TBC1D12: variants seen among roughly 807,000 people sequenced by gnomAD.
TBC1D12 encodes the protein TBC1 domain family, member 12.
A neutral mutation model predicts 86.7 loss-of-function variants in TBC1D12; 56 were observed. The observed-to-expected ratio is 0.65, with a 90% CI of 0.52 to 0.81. The LOEUF (loss-of-function observed/expected upper bound fraction) is 0.81. Ranked by LOEUF, TBC1D12 falls within the 30% of genes least tolerant of loss-of-function variation. The probability of loss-of-function intolerance (pLI) is 0.00; values close to 1 mark genes in which losing one functional copy is unlikely to be tolerated. For missense variants in TBC1D12, 1,023 were observed against 1,038.8 expected, an observed-to-expected ratio of 0.98 and a Z score of 0.21; for synonymous variants, 421 against 411.7, an observed-to-expected ratio of 1.02 and a Z score of -0.27.
Position 94,497,124 on chromosome 10 carries a change from G to A in TBC1D12, c.1364G>A (p.Ser455Asn). 6.4e-7 allele frequency: 1 copy of A among 1,563,314 alleles called. No individual in the cohort carries two copies. The highest frequency in any genetic ancestry group is 1.4e-5 in the African/African-American group (1 of 70,748). The change falls in exon 5 of 13, where the codon AGT becomes AAT. Residue 455 changes from serine to asparagine, a missense_variant. Ser to Asn is a conservative substitution (Grantham distance 46, BLOSUM62 1). This residue lies in a region of TBC1D12 where 395 missense variants were observed against 507.7 expected (regional missense o/e 0.78). Transcript: ENST00000225235. The stretch of plus-strand genomic sequence containing the variant: ...TTTAAGCAGGAAGAAAATATTGCAA[G>A]TGCAATGGTAATTTGGATCAATGAA... ...ERFKQEENIA[S>N]AMVIWINEIL...
At chr10:94,523,925 C>T (rs1174606619) in intron 11 of TBC1D12, among the ~76,000 whole-genome samples, 1 of 152,138 alleles carries the variant, frequency 6.6e-6, no homozygotes, top group Non-Finnish European at 1.5e-5. Context: ...GCTATGATTG[C>T]ACCACTGTCC....
intron 11 of TBC1D12, 71 bp from the exon 12 acceptor site, chr10:94,531,131 T>C: frequency 1.3e-6 from 2 of 1,506,762 alleles, no homozygotes; most frequent in South Asian, 2.6e-5. Context: ...TCTTTTTTTA[T>C]AGAGATGCTT....
At chr10:94,531,503 G>T (rs750710399) in intron 12 of TBC1D12, 43 bp downstream of exon 12, 1 of 1,512,032 alleles carries the variant, frequency 6.6e-7, no homozygotes, top group Admixed American at 2.2e-5. Context: ...TGTTAAAGCA[G>T]TTGACTTATT....
chr10:94,403,690 G>T, intron 1 of TBC1D12, 106 bp downstream of exon 1: 1 of 1,166,358 alleles, frequency 8.6e-7, no homozygotes, highest in Non-Finnish European at 1.1e-6. Context: ...GGAGAGCTTG[G>T]TCGGCCGCTT....
At chr10:94,472,044 C>G (rs1035311554) in intron 2 of TBC1D12, among the ~76,000 whole-genome samples, 14 of 152,086 alleles carry the variant, frequency 9.2e-5, no homozygotes, top group African/African-American at 3.4e-4. Context: ...ATTGGGGATT[C>G]AGGCATTGTC....
At chr10:94,403,921 T>C (rs187807482) in intron 1 of TBC1D12, among the ~76,000 whole-genome samples, 1 of 152,250 alleles carries the variant, frequency 6.6e-6, no homozygotes, top group Non-Finnish European at 1.5e-5. Context: ...TTGCCTTTTC[T>C]GGAAAAGCAG....
At chr10:94,418,163 A>AC (rs1002103555) in intron 1 of TBC1D12, among the ~76,000 whole-genome samples, 1 of 152,054 alleles carries the variant, frequency 6.6e-6, no homozygotes, top group Non-Finnish European at 1.5e-5. Flanking sequence ...GGATAATAAA[A>AC]CCAGAAACTT....
chr10:94,490,574 C>CT (rs1359576738), intron 3 of TBC1D12, among the ~76,000 whole-genome samples: 1 of 152,132 alleles, frequency 6.6e-6, no homozygotes, highest in Admixed American at 6.6e-5. Context: ...CTTCACATCT[C>CT]TGTTTTTATT....
intron 1 of TBC1D12, among the ~76,000 whole-genome samples, chr10:94,439,912 C>T (rs573103164): frequency 6.6e-6 from 1 of 152,302 alleles, no homozygotes; most frequent in East Asian, 1.9e-4. Context: ...AAGTGGTACA[C>T]AACGTATCAA....
At chr10:94,446,054 T>C (rs2055457800) in intron 2 of TBC1D12, among the ~76,000 whole-genome samples, 1 of 152,226 alleles carries the variant, frequency 6.6e-6, no homozygotes, top group Admixed American at 6.5e-5. Flanking sequence ...ATTTGTCTAA[T>C]TTTGCTGTCC....
chr10:94,438,835 G>T (rs903663051), intron 1 of TBC1D12, among the ~76,000 whole-genome samples: 3 of 151,180 alleles, frequency 2.0e-5, no homozygotes, highest in East Asian at 3.9e-4. Context: ...ACAGAGTCTT[G>T]CTCTGTCTCC....
chr10:94,447,290 A>T (rs1299015564), intron 2 of TBC1D12, among the ~76,000 whole-genome samples: 1 of 152,006 alleles, frequency 6.6e-6, no homozygotes, highest in Non-Finnish European at 1.5e-5. Flanking sequence ...TTCAAGAATG[A>T]AATGTCACCA....
At chr10:94,415,356 T>C (rs377748598) in intron 1 of TBC1D12, among the ~76,000 whole-genome samples, 1 of 152,170 alleles carries the variant, frequency 6.6e-6, no homozygotes, top group East Asian at 1.9e-4. Flanking sequence ...GTTATAGAGA[T>C]TGGTAATCCT....
chr10:94,501,835 A>G (rs2056401636), intron 6 of TBC1D12, among the ~76,000 whole-genome samples: 1 of 151,854 alleles, frequency 6.6e-6, no homozygotes, highest in Non-Finnish European at 1.5e-5. Flanking sequence ...GGTGTAAGCC[A>G]CCGTGCCTGG....
intron 11 of TBC1D12, among the ~76,000 whole-genome samples, chr10:94,528,368 T>C (rs1842348728): frequency 1.3e-5 from 2 of 152,222 alleles, no homozygotes; most frequent in South Asian, 4.1e-4. Flanking sequence ...GATAGAAGAA[T>C]GATGCCTTAT....
At chr10:94,444,937 T>G (rs1427568518) in intron 2 of TBC1D12, among the ~76,000 whole-genome samples, 2 of 148,658 alleles carry the variant, frequency 1.3e-5, no homozygotes, top group East Asian at 4.2e-4. Flanking sequence ...TTTCACCGTG[T>G]TAGCCAGGAT....
rs766662285 is a variant in TBC1D12, at chr10:94,524,728, TA to T, written c.2000+2292del. Among the ~76,000 whole-genome samples the T allele has an allele frequency of 9.4e-3, 1,233 of 130,662 alleles. 3 individuals are homozygous for T. The highest frequency in any genetic ancestry group is 8.7e-3 in the Non-Finnish European group (524 of 60,488). The allele number at this position is 130,662 out of a possible 152,430, so 85.7% of individuals were successfully genotyped here. A position where few individuals can be genotyped will look rare whatever the true frequency, so the allele number is the denominator to read the frequency against. Reference sequence around the variant, plus strand: ...CACTCTAGACAGAGCGAGACTCCATTAAAAAAAAAAAAAAAAAGATATGTAC... The same window carrying T: ...CACTCTAGACAGAGCGAGACTCCATTAAAAAAAAAAAAAAAAGATATGTAC... On this transcript the variant is annotated intron_variant, in intron 11 of 12. Transcript: ENST00000225235.
At chr10:94,459,102 GATT>G (rs2055680228) in intron 2 of TBC1D12, among the ~76,000 whole-genome samples, 1 of 151,378 alleles carries the variant, frequency 6.6e-6, no homozygotes, top group African/African-American at 2.4e-5. Flanking sequence ...ACAGAGAGCT[GATT>G]GGTCCATTTT....
intron 2 of TBC1D12, among the ~76,000 whole-genome samples, chr10:94,445,741 A>G (rs1392632519): frequency 2.6e-5 from 4 of 152,066 alleles, no homozygotes; most frequent in Admixed American, 2.0e-4. Context: ...TGAGGTCAGG[A>G]GTTCGAGACC....
Sources: allele counts gnomAD v4.1 joint callset (sites outside exome capture counted in the v4.1 genomes callset), GRCh38; gene constraint gnomAD v4.1.1; regional missense constraint gnomAD v4.1.1; transcripts MANE v1.5; gene names NCBI Gene and HGNC (gene_info 2026-07-23, HGNC 2026-07-21).